Variants in DOCK3 observed in about 807,000 individuals in gnomAD.
DOCK3 encodes dedicator of cytokinesis 3, also known as dedicator of cytokinesis protein 3.
In DOCK3, 60 loss-of-function variants were observed where a neutral mutation model predicts 265.6. That is an observed-to-expected ratio of 0.23 (90% CI 0.18 to 0.28). The LOEUF is 0.28. Ranked by LOEUF, DOCK3 falls within the 10% of genes least tolerant of loss-of-function variation. DOCK3 has a pLI of 1.00. For synonymous variants in DOCK3, 881 were observed against 938.0 expected (o/e 0.94, Z 1.11); for missense variants, 1,981 against 2,594.3 (o/e 0.76, Z 5.14).
intron 1 of DOCK3, among the ~76,000 whole-genome samples, chr3:50,719,268 C>CTTTTTTTTTTTTTT (rs71084106): frequency 7.2e-6 from 1 of 138,670 alleles, no homozygotes; most frequent in Non-Finnish European, 1.6e-5. Flanking sequence ...TAGATATTTT[C>CTTTTTTTTTTTTTT]TTTTTTTTTT....
chr3:51,176,621 G>A (rs1469304643), intron 12 of DOCK3, among the ~76,000 whole-genome samples: 5 of 151,686 alleles, frequency 3.3e-5, no homozygotes, highest in East Asian at 1.9e-4. Flanking sequence ...GCGAGACTCC[G>A]TCTCAAAAAA....
rs558796214 is a variant in DOCK3 at position 50,977,962 on chromosome 3, C to A, written c.315+43885C>A. On this transcript the variant is annotated intron_variant, in intron 5 of 52. Coordinates refer to ENST00000266037, the MANE Select transcript of DOCK3 (RefSeq NM_004947.5). ...GGCTCCTGAGGCTTCTGCATTCTTC[C>A]CGTTGTTCTCGAGCCTTGGTTTTCA... Among the ~76,000 whole-genome samples the A allele has an allele frequency of 1.8e-4, 27 of 152,258 alleles. 1 individual carries two copies. In the South Asian group the frequency reaches 5.4e-3, roughly 30 times the overall value.
At chr3:51,087,185 A>G (rs1462122408) in intron 7 of DOCK3, among the ~76,000 whole-genome samples, 1 of 152,218 alleles carries the variant, frequency 6.6e-6, no homozygotes, top group Non-Finnish European at 1.5e-5. Context: ...GAAAAAAAAG[A>G]TGGGCCAGTA....
intron 9 of DOCK3, among the ~76,000 whole-genome samples, chr3:51,142,072 C>T (rs540218875): frequency 6.6e-6 from 1 of 151,692 alleles, no homozygotes. Flanking sequence ...TGTATCTACA[C>T]CTATTGTTTC....
chr3:51,127,694 G>T (rs1433762076), intron 9 of DOCK3, among the ~76,000 whole-genome samples: 1 of 152,184 alleles, frequency 6.6e-6, no homozygotes, highest in Non-Finnish European at 1.5e-5. Context: ...TGGTCATGTG[G>T]TCATAGCTGG....
At chr3:51,306,083 A>G (rs1056618828) in intron 27 of DOCK3, among the ~76,000 whole-genome samples, 1 of 149,628 alleles carries the variant, frequency 6.7e-6, no homozygotes, top group Non-Finnish European at 1.5e-5. Flanking sequence ...TCAGGCTAGT[A>G]TCAAGTTCCT....
intron 5 of DOCK3, among the ~76,000 whole-genome samples, chr3:50,975,899 A>C (rs1326445374): frequency 5.4e-5 from 8 of 149,042 alleles, no homozygotes; most frequent in Non-Finnish European, 8.9e-5. Flanking sequence ...GAATTTATCC[A>C]TTTCTTCTAG....
chr3:50,812,703 G>A (rs1047113306), intron 2 of DOCK3, among the ~76,000 whole-genome samples: 6 of 152,200 alleles, frequency 3.9e-5, no homozygotes, highest in Non-Finnish European at 8.8e-5. Context: ...TCACAATGGG[G>A]CGGGCCGTCT....
intron 6 of DOCK3, among the ~76,000 whole-genome samples, chr3:51,070,960 C>G (rs2081837975): frequency 6.6e-6 from 1 of 152,168 alleles, no homozygotes; most frequent in Non-Finnish European, 1.5e-5. Context: ...CCCCTGCACC[C>G]TCCCCCCGAT....
In DOCK3 at chr3:51,294,677, C is replaced by CAA. The variant is rs59339067; in HGVS notation, c.2922+14501_2922+14502dup. 3.9e-3 allele frequency among the ~76,000 whole-genome samples: 466 copies of CAA among 119,774 alleles called. 4 individuals carry two copies. Among genetic ancestry groups the CAA allele is most frequent in the African/African-American group, 0.013 (395 of 31,188 alleles). 78.6% of individuals were successfully genotyped at this position (119,774 alleles called of 152,430 possible). On this transcript the variant is annotated intron_variant, in intron 27 of 52. Coordinates refer to ENST00000266037, the MANE Select transcript of DOCK3 (RefSeq NM_004947.5). ...TGGGCGACAGAGAGAGACTCTATCT[C>CAA]AAAAAAAAAAAAAAAAAAAAAAAAA...
chr3:50,788,301 T>G, intron 2 of DOCK3: 1 of 390,128 alleles, frequency 2.6e-6, no homozygotes, highest in Non-Finnish European at 4.4e-6. Context: ...AATGACTCAA[T>G]TTATTAAGCA....
At chr3:51,324,673 A>G (rs576895175) in intron 32 of DOCK3, among the ~76,000 whole-genome samples, 1 of 152,332 alleles carries the variant, frequency 6.6e-6, no homozygotes, top group East Asian at 1.9e-4. Context: ...ACTATACTAC[A>G]AGGCTACGGT....
chr3:50,731,781 A>G (rs189566947), intron 1 of DOCK3, among the ~76,000 whole-genome samples: 140 of 152,242 alleles, frequency 9.2e-4, no homozygotes, highest in Middle Eastern at 3.4e-3. Context: ...AAAACCTAGA[A>G]TGTTTCTCTC....
At chr3:50,896,025 T>A (rs2048878110) in intron 4 of DOCK3, among the ~76,000 whole-genome samples, 1 of 152,162 alleles carries the variant, frequency 6.6e-6, no homozygotes, top group African/African-American at 2.4e-5. Context: ...TAATCCTTTG[T>A]GTATATACCC....
chr3:51,249,563 C>G (rs1386556515), intron 22 of DOCK3, among the ~76,000 whole-genome samples: 10 of 108,868 alleles, frequency 9.2e-5, no homozygotes, highest in South Asian at 3.2e-4. Context: ...GCGGGTCAGC[C>G]CCCCGCCCGG....
chr3:50,814,330 A>C (rs1418744382), intron 2 of DOCK3, among the ~76,000 whole-genome samples: 1 of 152,078 alleles, frequency 6.6e-6, no homozygotes, highest in African/African-American at 2.4e-5. Context: ...TCAGTGGAGC[A>C]ATCTAAGCTC....
chr3:51,098,732 G>A (rs1560059903), intron 9 of DOCK3, among the ~76,000 whole-genome samples: 2 of 152,226 alleles, frequency 1.3e-5, no homozygotes, highest in South Asian at 2.1e-4. Flanking sequence ...TCTTAACTTG[G>A]TCCAGGACAT....
intron 3 of DOCK3, among the ~76,000 whole-genome samples, chr3:50,857,225 T>C (rs1015986625): frequency 3.3e-5 from 5 of 152,164 alleles, no homozygotes; most frequent in African/African-American, 7.2e-5. Context: ...CTTGATATTT[T>C]GGAATAGTTT....
chr3:51,167,641 A>G (rs1253716657), intron 12 of DOCK3, among the ~76,000 whole-genome samples: 1 of 151,900 alleles, frequency 6.6e-6, no homozygotes, highest in South Asian at 2.1e-4. Context: ...GTGTTTTATA[A>G]TTTTCAGTAA....
Sources: allele counts gnomAD v4.1 joint callset (sites outside exome capture counted in the v4.1 genomes callset), GRCh38; gene constraint gnomAD v4.1.1; transcripts MANE v1.5; gene names NCBI Gene and HGNC (gene_info 2026-07-23, HGNC 2026-07-21).